Variants in RBFOX1 observed in about 807,000 individuals in gnomAD.
RBFOX1 encodes the protein RNA binding protein fox-1 homolog 1.
In RBFOX1, 8 loss-of-function variants were observed where a neutral mutation model predicts 57.7. The ratio of observed to expected loss-of-function variants is 0.14; its 90% CI spans 0.08 to 0.25. The LOEUF is 0.25. RBFOX1 is among the 10% of genes least tolerant of loss of function. The pLI, the probability that RBFOX1 is intolerant of heterozygous loss-of-function variation, is 1.00. For missense variants in RBFOX1, 611 were observed against 548.5 expected, an observed-to-expected ratio of 1.11 and a Z score of -1.14; for synonymous variants, 326 against 222.4, an observed-to-expected ratio of 1.47 and a Z score of -4.15.
intron 4 of RBFOX1, among the ~76,000 whole-genome samples, chr16:7,507,715 C>G (rs2073832783): frequency 6.6e-6 from 1 of 151,860 alleles, no homozygotes; most frequent in African/African-American, 2.4e-5. Context: ...AGGCGCCCAC[C>G]ACCACGCCTG....
chr16:7,389,309 A>G (rs912484041), intron 4 of RBFOX1, among the ~76,000 whole-genome samples: 7 of 152,052 alleles, frequency 4.6e-5, no homozygotes, highest in Non-Finnish European at 7.4e-5. Flanking sequence ...TATTTTTGGT[A>G]GAGACGAGGT....
intron 2 of RBFOX1, among the ~76,000 whole-genome samples, chr16:6,519,881 A>G (rs1180211561): frequency 6.6e-6 from 1 of 152,198 alleles, no homozygotes; most frequent in African/African-American, 2.4e-5. Context: ...AACTAAGGCA[A>G]CTGATATATA....
intron 4 of RBFOX1, among the ~76,000 whole-genome samples, chr16:7,108,135 C>G (rs977790876): frequency 6.6e-6 from 1 of 152,066 alleles, no homozygotes; most frequent in Non-Finnish European, 1.5e-5. Context: ...TAGCATAAAA[C>G]AAAATACATT....
chr16:6,908,924 G>T (rs2153428112), intron 3 of RBFOX1, among the ~76,000 whole-genome samples: 1 of 152,230 alleles, frequency 6.6e-6, no homozygotes, highest in Middle Eastern at 3.4e-3. Flanking sequence ...GCAGCTGCTA[G>T]GATAATTTGG....
At chr16:6,350,421 A>G (rs1364947814) in intron 2 of RBFOX1, among the ~76,000 whole-genome samples, 3 of 132,752 alleles carry the variant, frequency 2.3e-5, no homozygotes, top group African/African-American at 9.1e-5. Context: ...AGCCTGGGCA[A>G]CAAGAGTGAA....
chr16:6,287,059 T>C (rs1374891308), intron 1 of RBFOX1, among the ~76,000 whole-genome samples: 1 of 152,034 alleles, frequency 6.6e-6, no homozygotes, highest in Non-Finnish European at 1.5e-5. Context: ...GGGCTGGGTA[T>C]AAAATGATAA....
At chr16:6,053,197 G>A (rs997800457) in intron 1 of RBFOX1, among the ~76,000 whole-genome samples, 1 of 152,136 alleles carries the variant, frequency 6.6e-6, no homozygotes, top group African/African-American at 2.4e-5. Flanking sequence ...GAAATTATCC[G>A]AGGGCTCCTG....
At chr16:5,310,043 T>G (rs1411790166) in intron 1 of RBFOX1, among the ~76,000 whole-genome samples, 2 of 152,204 alleles carry the variant, frequency 1.3e-5, no homozygotes, top group Non-Finnish European at 2.9e-5. Flanking sequence ...TTTCCTATTT[T>G]TCTCTTAGGA....
At chr16:5,708,425 G>C (rs2051331363) in intron 3 of RBFOX1, among the ~76,000 whole-genome samples, 1 of 152,160 alleles carries the variant, frequency 6.6e-6, no homozygotes, top group African/African-American at 2.4e-5. Context: ...AAGCAGTAGG[G>C]TGAGAGAGAA....
chr16:7,386,814 C>G (rs1049106104), intron 4 of RBFOX1, among the ~76,000 whole-genome samples: 1 of 152,152 alleles, frequency 6.6e-6, no homozygotes, highest in African/African-American at 2.4e-5. Context: ...CTGTCTTCCA[C>G]AATGGTTGAA....
chr16:7,238,300 C>T (rs1231238340), intron 4 of RBFOX1, among the ~76,000 whole-genome samples: 4 of 151,592 alleles, frequency 2.6e-5, no homozygotes, highest in Non-Finnish European at 4.4e-5. Context: ...ATGTACTTAA[C>T]ACTACTCAAC....
chr16:6,950,045 C>T (rs1014888579), intron 3 of RBFOX1, among the ~76,000 whole-genome samples: 7 of 150,592 alleles, frequency 4.6e-5, no homozygotes, highest in Non-Finnish European at 1.0e-4. Flanking sequence ...CTCCTGGGTT[C>T]AAGTGATTGT....
At chr16:6,144,149 C>G (rs1051952977) in intron 1 of RBFOX1, among the ~76,000 whole-genome samples, 33 of 152,030 alleles carry the variant, frequency 2.2e-4, no homozygotes, top group African/African-American at 7.7e-4. Context: ...ATTCCTATAG[C>G]ATGGATCAAC....
At chr16:7,447,108 G>T (rs1197908368) in intron 4 of RBFOX1, among the ~76,000 whole-genome samples, 1 of 151,900 alleles carries the variant, frequency 6.6e-6, no homozygotes, top group African/African-American at 2.4e-5. Flanking sequence ...CACTGTCCTC[G>T]GCCTCAAGGT....
rs539291722 is a variant in RBFOX1, at chr16:6,978,091, A to G, written c.-15-73966A>G. 5.3e-5 allele frequency among the ~76,000 whole-genome samples: 8 copies of G among 151,324 alleles called. No homozygotes were observed. The South Asian group carries it at 6.3e-4, about 12-fold the overall frequency. Reference sequence around the variant, plus strand: ...CCCGCCCCCCTTCATGTGGGTGTCAATTACAGCTGACTTTGCAGGCTCCAG... The same window carrying G: ...CCCGCCCCCCTTCATGTGGGTGTCAGTTACAGCTGACTTTGCAGGCTCCAG... On this transcript the variant is annotated intron_variant, in intron 3 of 15. Coordinates refer to ENST00000550418, the MANE Select transcript of RBFOX1 (RefSeq NM_018723.4).
chr16:5,481,696 C>T (rs868054236), intron 2 of RBFOX1, among the ~76,000 whole-genome samples: 3 of 152,238 alleles, frequency 2.0e-5, no homozygotes, highest in East Asian at 1.9e-4. Context: ...CAAAGTACCA[C>T]AGCCCGTGTG....
At chr16:7,386,715 T>C (rs1281880288) in intron 4 of RBFOX1, among the ~76,000 whole-genome samples, 1 of 152,208 alleles carries the variant, frequency 6.6e-6, no homozygotes, top group Non-Finnish European at 1.5e-5. Flanking sequence ...TATAGTAGCA[T>C]GATTTATAAT....
chr16:7,159,431 C>T (rs1453232042), intron 4 of RBFOX1, among the ~76,000 whole-genome samples: 1 of 152,066 alleles, frequency 6.6e-6, no homozygotes, highest in African/African-American at 2.4e-5. Flanking sequence ...GCATCTATGT[C>T]ACTCTAGAGA....
intron 3 of RBFOX1, among the ~76,000 whole-genome samples, chr16:6,848,446 G>T (rs575095238): frequency 6.6e-6 from 1 of 152,126 alleles, no homozygotes; most frequent in Admixed American, 6.5e-5. Flanking sequence ...ACCACACATG[G>T]CCAGCAGGCA....
Sources: gnomAD v4.1 joint callset for allele counts (sites outside exome capture counted in the v4.1 genomes callset) on GRCh38, gnomAD v4.1.1 for gene constraint, MANE v1.5 for transcripts, NCBI Gene and HGNC (gene_info 2026-07-23, HGNC 2026-07-21) for gene names.